GRIN2A: variants seen among roughly 807,000 people sequenced by gnomAD.
GRIN2A encodes glutamate ionotropic receptor NMDA type subunit 2A, also known as glutamate receptor ionotropic, NMDA 2A.
A neutral mutation model predicts 113.4 loss-of-function variants in GRIN2A; 22 were observed. The observed-to-expected ratio is 0.19, with a 90% CI of 0.14 to 0.28. The LOEUF (loss-of-function observed/expected upper bound fraction) is 0.28. Among genes scored for constraint, GRIN2A ranks in the 10% least tolerant of loss-of-function variants. The pLI is 1.00. For missense variants in GRIN2A, 1,502 were observed against 1,887.0 expected (o/e 0.80, Z 3.78); for synonymous variants, 827 against 738.4 (o/e 1.12, Z -1.94).
intron 2 of GRIN2A, among the ~76,000 whole-genome samples, chr16:10,104,257 G>C (rs1433526676): frequency 6.6e-6 from 1 of 152,190 alleles, no homozygotes; most frequent in Non-Finnish European, 1.5e-5. Flanking sequence ...TAAAAGATTA[G>C]AGGATTCTGG....
chr16:10,064,985 C>T (rs7192622), intron 2 of GRIN2A, among the ~76,000 whole-genome samples: 2 of 152,006 alleles, frequency 1.3e-5, no homozygotes, highest in Admixed American at 6.5e-5. Flanking sequence ...TACACCGTAA[C>T]GTGGAGAATC....
At position 10,024,766 on chromosome 16, in the gene GRIN2A, G is replaced by A. The variant is rs968539335; in HGVS notation, c.415-86215C>T. Among the ~76,000 whole-genome samples the A allele has an allele frequency of 5.3e-5, 8 of 152,280 alleles. No homozygotes were observed. In the South Asian group the frequency reaches 1.7e-3, roughly 32 times the overall value. On this transcript the variant is annotated intron_variant, in intron 2 of 12. Coordinates refer to ENST00000330684, the MANE Select transcript of GRIN2A (RefSeq NM_001134407.3). Reference sequence around the variant, plus strand: ...AACTTCCCACTCACTCCTCACTGAAGAGGTAGGCACAATAGCTTTCTCACT... The same window carrying A: ...AACTTCCCACTCACTCCTCACTGAAAAGGTAGGCACAATAGCTTTCTCACT...
chr16:10,111,386 C>T (rs1408131066), intron 2 of GRIN2A: 1 of 479,992 alleles, frequency 2.1e-6, no homozygotes, highest in Non-Finnish European at 3.8e-6. Context: ...GGCAGCATGG[C>T]GAACCATCTG....
intron 2 of GRIN2A, among the ~76,000 whole-genome samples, chr16:10,009,078 T>C (rs1228489516): frequency 6.6e-6 from 1 of 152,196 alleles, no homozygotes; most frequent in Non-Finnish European, 1.5e-5. Flanking sequence ...CCCGTATTTA[T>C]GCTGGAATTT....
chr16:10,057,016 C>G (rs1285053773), intron 2 of GRIN2A, among the ~76,000 whole-genome samples: 2 of 152,138 alleles, frequency 1.3e-5, no homozygotes, highest in African/African-American at 2.4e-5. Context: ...ACCCCTCCAG[C>G]CTTCTACCCA....
chr16:10,133,931 C>T (rs2049129886), intron 2 of GRIN2A, among the ~76,000 whole-genome samples: 1 of 152,074 alleles, frequency 6.6e-6, no homozygotes, highest in African/African-American at 2.4e-5. Context: ...CCCTGTAATC[C>T]TAACACTATG....
chr16:10,068,675 C>A (rs149111368), intron 2 of GRIN2A, among the ~76,000 whole-genome samples: 1 of 152,176 alleles, frequency 6.6e-6, no homozygotes, highest in Non-Finnish European at 1.5e-5. Context: ...TTATCAATTC[C>A]CCCATGGATC....
chr16:10,167,105 A>G (rs2049941033), intron 2 of GRIN2A, among the ~76,000 whole-genome samples: 1 of 131,058 alleles, frequency 7.6e-6, no homozygotes, highest in African/African-American at 2.9e-5. Context: ...TAGCGCCTGC[A>G]TTATTCAAGG....
chr16:9,990,297 C>A (rs999283199), intron 2 of GRIN2A, among the ~76,000 whole-genome samples: 4 of 152,028 alleles, frequency 2.6e-5, no homozygotes, highest in Non-Finnish European at 5.9e-5. Context: ...ATCCAAGTAA[C>A]ACATGTTCTC....
chr16:10,015,192 G>T (rs763543077), intron 2 of GRIN2A, among the ~76,000 whole-genome samples: 7 of 130,330 alleles, frequency 5.4e-5, no homozygotes, highest in Non-Finnish European at 7.8e-5. Context: ...GGCGGAGGTC[G>T]CAGTGAGCTG....
chr16:9,838,703 A>G (rs985423742), intron 7 of GRIN2A, among the ~76,000 whole-genome samples: 1 of 152,190 alleles, frequency 6.6e-6, no homozygotes, highest in African/African-American at 2.4e-5. Context: ...TTTACATTCC[A>G]CAGTGTCAAG....
At chr16:10,078,339 T>C (rs1486894185) in intron 2 of GRIN2A, among the ~76,000 whole-genome samples, 2 of 151,654 alleles carry the variant, frequency 1.3e-5, no homozygotes, top group Non-Finnish European at 2.9e-5. Flanking sequence ...GTGACCACAC[T>C]CTCGGTGGGT....
chr16:10,036,437 C>A (rs1465895411), intron 2 of GRIN2A, among the ~76,000 whole-genome samples: 12 of 92,674 alleles, frequency 1.3e-4, no homozygotes, highest in African/African-American at 4.2e-4. Flanking sequence ...TTAGTACTTA[C>A]TTTTTTTTTT....
chr16:10,174,841 A>G (rs1399972673), intron 2 of GRIN2A, among the ~76,000 whole-genome samples: 1 of 76,254 alleles, frequency 1.3e-5, no homozygotes, highest in Admixed American at 1.7e-4. Flanking sequence ...AGAGAACTGG[A>G]AAAAAAAAAA....
intron 2 of GRIN2A, among the ~76,000 whole-genome samples, chr16:9,983,603 C>G (rs1462059373): frequency 6.6e-6 from 1 of 152,094 alleles, no homozygotes; most frequent in African/African-American, 2.4e-5. Context: ...CTATACCCAG[C>G]TAATTTTTTG....
chr16:10,050,037 G>A (rs2047330970), intron 2 of GRIN2A, among the ~76,000 whole-genome samples: 1 of 152,180 alleles, frequency 6.6e-6, no homozygotes, highest in South Asian at 2.1e-4. Context: ...CCGATACCAA[G>A]AACCTGTGAA....
At chr16:10,148,943 A>T (rs2049504399) in intron 2 of GRIN2A, among the ~76,000 whole-genome samples, 1 of 152,224 alleles carries the variant, frequency 6.6e-6, no homozygotes, top group African/African-American at 2.4e-5. Flanking sequence ...GGAAGTCATG[A>T]CGTTAAGTGG....
intron 2 of GRIN2A, among the ~76,000 whole-genome samples, chr16:10,007,235 T>G (rs901297109): frequency 6.6e-6 from 1 of 152,224 alleles, no homozygotes; most frequent in African/African-American, 2.4e-5. Flanking sequence ...CTGTATTAAT[T>G]TACATTTCTA....
intron 11 of GRIN2A, among the ~76,000 whole-genome samples, chr16:9,785,189 T>C (rs71379053): frequency 0.38 from 57,191 of 151,750 alleles, 11,709 homozygotes; most frequent in African/African-American, 0.55. Flanking sequence ...GGAACCAACC[T>C]AAATGTCCAA....
Sources: gnomAD v4.1 joint callset for allele counts (sites outside exome capture counted in the v4.1 genomes callset) on GRCh38, gnomAD v4.1.1 for gene constraint, MANE v1.5 for transcripts, NCBI Gene and HGNC (gene_info 2026-07-23, HGNC 2026-07-21) for gene names.